Variants in ETV6 observed in about 807,000 individuals in gnomAD.
The protein encoded by ETV6 is transcription factor ETV6.
ETV6 carries 16 observed loss-of-function variants against 51.1 expected under a neutral mutation model. That is an observed-to-expected ratio of 0.31 (90% CI 0.21 to 0.48). The LOEUF (loss-of-function observed/expected upper bound fraction) is 0.48, where lower values mean the gene tolerates loss of function less well. Ranked by LOEUF, ETV6 falls within the 20% of genes least tolerant of loss-of-function variation. The pLI, the probability that ETV6 is intolerant of heterozygous loss-of-function variation, is 0.99. For synonymous variants in ETV6, 240 were observed against 224.1 expected (o/e 1.07, Z -0.64); for missense variants, 458 against 594.8 (o/e 0.77, Z 2.39).
At chr12:11,813,344 C>T (rs1236344465) in intron 2 of ETV6, among the ~76,000 whole-genome samples, 4 of 152,212 alleles carry the variant, frequency 2.6e-5, no homozygotes, top group African/African-American at 9.6e-5. Context: ...ACCTTCCTGC[C>T]TGCAGCACAG....
At chr12:11,723,666 A>C (rs567914951) in intron 1 of ETV6, among the ~76,000 whole-genome samples, 1 of 152,140 alleles carries the variant, frequency 6.6e-6, no homozygotes, top group East Asian at 1.9e-4. Flanking sequence ...GGGTTTATCT[A>C]TCAGGGTTCC....
intron 3 of ETV6, among the ~76,000 whole-genome samples, chr12:11,842,081 C>CAAAAAA: frequency 1.2e-5 from 1 of 83,564 alleles, no homozygotes. Context: ...GACTCCGTCT[C>CAAAAAA]AAAAAAAAAA....
intron 2 of ETV6, among the ~76,000 whole-genome samples, chr12:11,763,580 A>G (rs1007185105): frequency 1.3e-5 from 2 of 152,238 alleles, no homozygotes; most frequent in African/African-American, 2.4e-5. Flanking sequence ...TTTGATTCTT[A>G]GAGAAAAATT....
chr12:11,720,328 T>G (rs1348093878), intron 1 of ETV6, among the ~76,000 whole-genome samples: 1 of 152,138 alleles, frequency 6.6e-6, no homozygotes, highest in African/African-American at 2.4e-5. Context: ...AACAGCACAG[T>G]TTTTAGGGAG....
intron 6 of ETV6, 74 bp from the exon 7 acceptor site, chr12:11,885,852 C>T (rs760824306): frequency 2.6e-5 from 28 of 1,088,960 alleles, no homozygotes; most frequent in Middle Eastern, 4.1e-4. Flanking sequence ...TAATAGCTCC[C>T]GCAGTGCCTT....
At chr12:11,877,915 C>T (rs111434444) in intron 5 of ETV6, among the ~76,000 whole-genome samples, 1 of 152,246 alleles carries the variant, frequency 6.6e-6, no homozygotes, top group African/African-American at 2.4e-5. Flanking sequence ...CCCTGCCTCA[C>T]TGCTGAGCTG....
intron 2 of ETV6, among the ~76,000 whole-genome samples, chr12:11,759,329 A>G (rs981591333): frequency 3.3e-5 from 5 of 152,022 alleles, no homozygotes; most frequent in Admixed American, 3.3e-4. Context: ...GAGGATGAAG[A>G]TGGCACGGCC....
chr12:11,878,839 A>C (rs1173489495), intron 5 of ETV6, among the ~76,000 whole-genome samples: 1 of 140,332 alleles, frequency 7.1e-6, no homozygotes, highest in African/African-American at 3.2e-5. Flanking sequence ...AAAAAAAAAA[A>C]AAACAAGCAG....
At chr12:11,716,087 G>A (rs533766561) in intron 1 of ETV6, among the ~76,000 whole-genome samples, 76 of 152,162 alleles carry the variant, frequency 5.0e-4, no homozygotes, top group African/African-American at 1.7e-3. Flanking sequence ...GGGGCCGGGC[G>A]CGGTGGCTGA....
chr12:11,689,954 G>A (rs1864721017), intron 1 of ETV6, among the ~76,000 whole-genome samples: 1 of 151,924 alleles, frequency 6.6e-6, no homozygotes, highest in African/African-American at 2.4e-5. Context: ...ATTTTCGTGC[G>A]CAAATACAGA....
intron 2 of ETV6, among the ~76,000 whole-genome samples, chr12:11,758,825 G>A (rs911094859): frequency 1.3e-5 from 2 of 152,264 alleles, no homozygotes; most frequent in African/African-American, 4.8e-5. Context: ...TTACAAAGCA[G>A]TAATGACTTC....
At chr12:11,724,261 T>C (rs957169820) in intron 1 of ETV6, among the ~76,000 whole-genome samples, 1 of 152,176 alleles carries the variant, frequency 6.6e-6, no homozygotes, top group Non-Finnish European at 1.5e-5. Flanking sequence ...TACAGCAAGG[T>C]TTAAGGTTTC....
intron 2 of ETV6, among the ~76,000 whole-genome samples, chr12:11,838,466 C>A (rs1946346103): frequency 6.6e-6 from 1 of 152,172 alleles, no homozygotes; most frequent in Non-Finnish European, 1.5e-5. Flanking sequence ...CAAGTACCAC[C>A]CCACCAGGAA....
intron 2 of ETV6, among the ~76,000 whole-genome samples, chr12:11,804,612 C>T (rs946226023): frequency 6.6e-6 from 1 of 152,252 alleles, no homozygotes; most frequent in African/African-American, 2.4e-5. Flanking sequence ...TTAAATATCA[C>T]CTCCTTAGAG....
At chr12:11,823,502 C>A (rs11834045) in intron 2 of ETV6, among the ~76,000 whole-genome samples, 1 of 148,664 alleles carries the variant, frequency 6.7e-6, no homozygotes, top group Non-Finnish European at 1.5e-5. Context: ...AGTCTGGCAC[C>A]GTCTCCCAGG....
At chr12:11,844,416 G>C (rs1177493545) in intron 3 of ETV6, among the ~76,000 whole-genome samples, 1 of 152,086 alleles carries the variant, frequency 6.6e-6, no homozygotes, top group East Asian at 1.9e-4. Flanking sequence ...TTTGCAAATT[G>C]TTTCTTCCCT....
chr12:11,821,846 T>C (rs1946085755), intron 2 of ETV6, among the ~76,000 whole-genome samples: 1 of 152,262 alleles, frequency 6.6e-6, no homozygotes, highest in African/African-American at 2.4e-5. Flanking sequence ...AGATTCTGTC[T>C]CTTAAAAACA....
chr12:11,837,211 T>C (rs960210710), intron 2 of ETV6, among the ~76,000 whole-genome samples: 4 of 152,204 alleles, frequency 2.6e-5, no homozygotes, highest in Non-Finnish European at 5.9e-5. Context: ...CAAAAACTTT[T>C]AGTGGCTGTA....
At chr12:11,653,210 G>C (rs1403341928) in intron 1 of ETV6, among the ~76,000 whole-genome samples, 1 of 152,206 alleles carries the variant, frequency 6.6e-6, no homozygotes, top group Non-Finnish European at 1.5e-5. Flanking sequence ...GACTGTGCTG[G>C]TCACAGGAAG....
Sources: allele counts gnomAD v4.1 joint callset (sites outside exome capture counted in the v4.1 genomes callset), GRCh38; gene constraint gnomAD v4.1.1; transcripts MANE v1.5; gene names NCBI Gene and HGNC (gene_info 2026-07-23, HGNC 2026-07-21).